KCNQ2: variants seen among roughly 807,000 people sequenced by gnomAD.
KCNQ2 encodes potassium voltage-gated channel subfamily KQT member 2.
A neutral mutation model predicts 84.8 loss-of-function variants in KCNQ2; 14 were observed. The observed-to-expected ratio is 0.17, with a 90% CI of 0.11 to 0.26. The LOEUF (loss-of-function observed/expected upper bound fraction) is 0.26. Among genes scored for constraint, KCNQ2 ranks in the 10% least tolerant of loss-of-function variants. The pLI is 1.00. For missense variants in KCNQ2, 788 were observed against 1,254.0 expected (o/e 0.63, Z 5.61); for synonymous variants, 599 against 554.1 (o/e 1.08, Z -1.14).
Position 63,442,752 on chromosome 20 carries a change from T to TCACCACCACCACCATCACCATCACCAC in KCNQ2, c.691-222_691-221insGTGGTGATGGTGATGGTGGTGGTGGTG, listed in dbSNP as rs1568934242. ...ATCACCACCTCCACCATCACCACCA[T>TCACCACCACCACCATCACCATCACCAC]CACCATCACCACCATCACCATCACC... On this transcript the variant is annotated intron_variant, in intron 4 of 16. Transcript: ENST00000359125. Among the ~76,000 whole-genome samples the TCACCACCACCACCATCACCATCACCAC allele has an allele frequency of 5.7e-5, 2 of 35,170 alleles. 1 individual carries two copies. The highest frequency in any genetic ancestry group is 6.0e-4 in the Admixed American group (2 of 3,328). The allele number at this position is 35,170 out of a possible 152,430, so 23.1% of individuals were successfully genotyped here. A position where few individuals can be genotyped will look rare whatever the true frequency, so the allele number is the denominator to read the frequency against.
rs2080010036 is a variant in KCNQ2 at position 63,408,283 on chromosome 20, CAG to C, written c.1887+128_1887+129del. The stretch of plus-strand genomic sequence containing the variant: ...TGCACAGAGCAGCTGTCAGTGGTGA[CAG>C]GGCCATGTAAACCCTAGACTTGAGG... On this transcript the variant is annotated intron_variant, in intron 16 of 16. Coordinates refer to ENST00000359125, the MANE Select transcript of KCNQ2 (RefSeq NM_172107.4). The surrounding 1 kb of genome is among the most constrained non-coding windows in gnomAD (Gnocchi z 5.0). The C allele has an allele frequency of 8.5e-7, 1 of 1,170,732 alleles. No individual in the cohort carries two copies. The highest frequency in any genetic ancestry group is 1.9e-5 in the Admixed American group (1 of 51,712). The allele number at this position is 1,170,732 out of a possible 1,614,324, so 72.5% of individuals were successfully genotyped here. A position where few individuals can be genotyped will look rare whatever the true frequency, so the allele number is the denominator to read the frequency against.
rs908288581 is a variant in KCNQ2, at chr20:63,407,482, G to C, written c.1888-107C>G. 2.4e-6 allele frequency: 3 copies of C among 1,231,506 alleles called. No homozygotes were observed. Among genetic ancestry groups the C allele is most frequent in the Non-Finnish European group, 3.4e-6 (3 of 880,276 alleles). 76.3% of individuals were successfully genotyped at this position (1,231,506 alleles called of 1,614,324 possible). On this transcript the variant is annotated intron_variant, in intron 16 of 16. Coordinates refer to ENST00000359125, the MANE Select transcript of KCNQ2 (RefSeq NM_172107.4). The surrounding 1 kb of genome is among the most constrained non-coding windows in gnomAD (Gnocchi z 7.2). Reference sequence around the variant, plus strand: ...GGGCCCAGGCTGGTTCCAGGAAACAGGAGAGACCCAGGCTAGTCCCAGGAA... The same window carrying C: ...GGGCCCAGGCTGGTTCCAGGAAACACGAGAGACCCAGGCTAGTCCCAGGAA...
chr20:63,426,069 A>G (rs2080623313), intron 10 of KCNQ2, among the ~76,000 whole-genome samples: 2 of 152,090 alleles, frequency 1.3e-5, no homozygotes, highest in South Asian at 4.2e-4. Flanking sequence ...CCGTTTCCTA[A>G]AGGGCAGCTC....
chr20:63,442,739 A>ACCC (rs2081221123), intron 4 of KCNQ2, among the ~76,000 whole-genome samples: 1 of 108,054 alleles, frequency 9.3e-6, no homozygotes, highest in Non-Finnish European at 1.9e-5. Flanking sequence ...CACCACCTCC[A>ACCC]CCATCACCAC....
chr20:63,443,015 A>G (rs1600773328), intron 4 of KCNQ2, among the ~76,000 whole-genome samples: 1 of 74,910 alleles, frequency 1.3e-5, no homozygotes, highest in Non-Finnish European at 2.8e-5. Flanking sequence ...CATCACCATC[A>G]CCACCACCAT....
intron 1 of KCNQ2, chr20:63,447,918 G>A (rs932790938): frequency 6.6e-6 from 1 of 152,240 alleles, no homozygotes; most frequent in African/African-American, 2.4e-5. Context: ...CTTTTTCTCA[G>A]CCCTGCATTC....
Position 63,414,385 on chromosome 20 carries a change from C to T in KCNQ2, c.1526-192G>A, listed in dbSNP as rs1432144365. 3.3e-5 allele frequency among the ~76,000 whole-genome samples: 5 copies of T among 152,184 alleles called. No homozygotes were observed. Among genetic ancestry groups the T allele is most frequent in the Non-Finnish European group, 5.9e-5 (4 of 68,024 alleles). ...GCTGCTCTCGAGTCAGGACCTTCCC[C>T]GGCAGGCTGTGGCCACAGGGAGTGG... On this transcript the variant is annotated intron_variant, in intron 13 of 16. Transcript: ENST00000359125. This position sits in a 1 kb window ranked among gnomAD's most constrained non-coding sequence, Gnocchi z 6.6.
intron 11 of KCNQ2, among the ~76,000 whole-genome samples, chr20:63,420,131 C>G (rs1197778652): frequency 6.6e-6 from 1 of 152,224 alleles, no homozygotes; most frequent in Non-Finnish European, 1.5e-5. Flanking sequence ...CGACGTTTGG[C>G]CATGCCAGCC....
In KCNQ2 at chr20:63,415,105, A is replaced by G; in HGVS notation, c.1323T>C (p.Asp441=). 1 of 1,601,410 alleles carries G rather than the reference A, an allele frequency of 6.2e-7. No individual in the cohort carries two copies. Among genetic ancestry groups the G allele is most frequent in the Non-Finnish European group, 8.5e-7 (1 of 1,179,696 alleles). The change falls in exon 13 of 17, where the codon GAT becomes GAC. Residue 441 remains aspartate, a synonymous_variant. Transcript: ENST00000359125. Reference sequence around the variant, plus strand: ...CGCCTCGGGGGCTGGAGAAGACACGATCTTTCAAACTGACCTTCTGGCTGC... The same window carrying G: ...CGCCTCGGGGGCTGGAGAAGACACGGTCTTTCAAACTGACCTTCTGGCTGC... The part of the protein sequence containing the change: ...GRSSQKVSLK[D]RVFSSPRGVA...
rs990287266 is a variant in KCNQ2, at chr20:63,414,470, C to T, written c.1526-277G>A. 4.6e-5 allele frequency among the ~76,000 whole-genome samples: 7 copies of T among 152,230 alleles called. No individual in the cohort carries two copies. The highest frequency in any genetic ancestry group is 6.8e-3 in the Middle Eastern group (2 of 294). Reference sequence around the variant, plus strand: ...GGATGAACAGAACATGGCGCATCCACGCACAGATGTTAACGGCGGAAGGTG... The same window carrying T: ...GGATGAACAGAACATGGCGCATCCATGCACAGATGTTAACGGCGGAAGGTG... On this transcript the variant is annotated intron_variant, in intron 13 of 16. Coordinates refer to ENST00000359125, the MANE Select transcript of KCNQ2 (RefSeq NM_172107.4). The surrounding 1 kb of genome is among the most constrained non-coding windows in gnomAD (Gnocchi z 6.6).
chr20:63,438,529 G>T lies in KCNQ2; in HGVS notation c.1023+96C>A. ...GGGTGAGCGCTGTGGCCCATCCACA[G>T]ACAGGGCAATGCCAAAGCCCCAGCG... is the stretch of plus-strand genomic sequence containing the variant. On this transcript the variant is annotated intron_variant, in intron 7 of 16. Transcript: ENST00000359125. This position sits in a 1 kb window ranked among gnomAD's most constrained non-coding sequence, Gnocchi z 5.1. 9.9e-7 allele frequency: 1 copy of T among 1,011,082 alleles called. No homozygotes were observed. 62.6% of individuals were successfully genotyped at this position (1,011,082 alleles called of 1,614,324 possible).
intron 15 of KCNQ2, chr20:63,411,988 C>T: frequency 1.5e-6 from 1 of 650,942 alleles, no homozygotes; most frequent in South Asian, 1.7e-5. Context: ...CAGGGAGGCT[C>T]CGTCGAAACA....
At chr20:63,423,527 AGTCCT>A (rs1397518324) in intron 11 of KCNQ2, 2 of 152,552 alleles carry the variant, frequency 1.3e-5, no homozygotes, top group East Asian at 3.9e-4. Context: ...CCCTTACACG[AGTCCT>A]GTCTCCAATC....
Position 63,433,853 on chromosome 20 carries a change from G to A in KCNQ2, c.1074C>T (p.Ser358=). Residue 358 remains serine (S), a synonymous_variant, in exon 8 of 17, where the codon TCC becomes TCT. Coordinates refer to ENST00000359125, the MANE Select transcript of KCNQ2 (RefSeq NM_172107.4). The part of the protein sequence containing the change: ...ATNLSRTDLH[S]TWQYYERTVT... ...CCGTTCGCTCGTAGTACTGCCACGT[G>A]GAGTGCAGGTCTGTGCGCGAGAGGT... is the stretch of plus-strand genomic sequence containing the variant. 6.2e-7 allele frequency: 1 copy of A among 1,613,858 alleles called. No individual in the cohort carries two copies. Among genetic ancestry groups the A allele is most frequent in the Non-Finnish European group, 8.5e-7 (1 of 1,179,816 alleles).
chr20:63,403,965 G>A lies in KCNQ2; in HGVS notation c.*2679C>T, dbSNP rs1035108540. ...CTGCACTGCTCAGGCTAGAGTCTGG[G>A]GGGGCCCAAGACAGACCCTCTACCC... On this transcript the variant is annotated 3_prime_UTR_variant, in exon 17 of 17. Transcript: ENST00000359125. 6.6e-6 allele frequency: 1 copy of A among 152,286 alleles called. No individual in the cohort carries two copies. The highest frequency in any genetic ancestry group is 2.4e-5 in the African/African-American group (1 of 41,438). 9.4% of individuals were successfully genotyped at this position (152,286 alleles called of 1,614,324 possible). A position where few individuals can be genotyped will look rare whatever the true frequency, so the allele number is the denominator to read the frequency against.
chr20:63,472,115 C>T, intron 1 of KCNQ2, 53 bp downstream of exon 1: 1 of 1,332,492 alleles, frequency 7.5e-7, no homozygotes, highest in Non-Finnish European at 1.0e-6. Context: ...CCGATGGGGT[C>T]GCCGATGGGG....
At chr20:63,450,305 C>G in intron 1 of KCNQ2, among the ~76,000 whole-genome samples, 1 of 151,256 alleles carries the variant, frequency 6.6e-6, no homozygotes, top group Non-Finnish European at 1.5e-5. Flanking sequence ...AGGGCGGCCG[C>G]AGAGGCCCAG....
intron 12 of KCNQ2, 31 bp from the exon 13 acceptor site, chr20:63,415,157 A>ACAGACAG (rs3054432): frequency 1.3e-6 from 2 of 1,576,176 alleles, no homozygotes; most frequent in Non-Finnish European, 1.7e-6. Context: ...AGACAGACAG[A>ACAGACAG]AAAACAGGGA....
rs939422599 is a variant in KCNQ2 at position 63,414,694 on chromosome 20, G to A, written c.1525+209C>T. 2.0e-5 allele frequency among the ~76,000 whole-genome samples: 3 copies of A among 151,492 alleles called. No homozygotes were observed. Among genetic ancestry groups the A allele is most frequent in the African/African-American group, 7.3e-5 (3 of 41,232 alleles). On this transcript the variant is annotated intron_variant, in intron 13 of 16. Transcript: ENST00000359125. This position sits in a 1 kb window ranked among gnomAD's most constrained non-coding sequence, Gnocchi z 6.6. The stretch of plus-strand genomic sequence containing the variant: ...CTGAGGTGGTGGTGACAACTCCACC[G>A]TGAGCGTGCTACATGCCACTGAATT...
Sources: gnomAD v4.1 joint callset for allele counts (sites outside exome capture counted in the v4.1 genomes callset) on GRCh38, gnomAD v4.1.1 for gene constraint, Gnocchi (gnomAD v3.1) non-coding constraint, MANE v1.5 for transcripts, NCBI Gene and HGNC (gene_info 2026-07-23, HGNC 2026-07-21) for gene names.